BCL2L12: variants seen among roughly 807,000 people sequenced by gnomAD.
The protein encoded by BCL2L12 is BCL2 like 12, also known as bcl-2-like protein 12.
Under a neutral mutation model 25.7 loss-of-function variants are expected in BCL2L12, and 27 were observed. The ratio of observed to expected loss-of-function variants is 1.05; its 90% CI spans 0.78 to 1.45. BCL2L12 has a LOEUF of 1.45. BCL2L12 is among the 40% of genes most tolerant of loss of function. The pLI is 0.00. For synonymous variants in BCL2L12, 132 were observed against 145.6 expected, an observed-to-expected ratio of 0.91 and a Z score of 0.67; for missense variants, 302 against 329.8, an observed-to-expected ratio of 0.92 and a Z score of 0.65.
chr19:49,668,932 G>A lies in BCL2L12; in HGVS notation c.332G>A (p.Ser111Asn). 1 of 1,613,982 alleles carries A rather than the reference G, an allele frequency of 6.2e-7. No individual in the cohort carries two copies. The highest frequency in any genetic ancestry group is 8.5e-7 in the Non-Finnish European group (1 of 1,179,918). ...LVQEQLKSPPSPELQGPPSTE... is the reference protein window; with the variant it reads ...LVQEQLKSPPNPELQGPPSTE... Reference sequence around the variant, plus strand: ...CAAGAGCAGCTGAAATCTCCGCCCAGCCCAGGTGAGGCACAGAGGAGCCCC... The same window carrying A: ...CAAGAGCAGCTGAAATCTCCGCCCAACCCAGGTGAGGCACAGAGGAGCCCC... Residue 111 changes from serine (S) to asparagine (N), a missense_variant, in exon 4 of 7, where the codon AGC (serine) becomes AAC (asparagine). By Grantham distance (46) the Ser-to-Asn change is conservative. Transcript: ENST00000246784.
chr19:49,665,884 G>T (rs2081717422), upstream of BCL2L12: 1 of 1,612,476 alleles, frequency 6.2e-7, no homozygotes, highest in East Asian at 2.2e-5. Context: ...CCGGCCAGAG[G>T]CATGCTGGGA....
rs964313916 is a variant in BCL2L12 at position 49,672,485 on chromosome 19, G to A, written c.703-1213G>A. Among the ~76,000 whole-genome samples the A allele has an allele frequency of 1.3e-5, 2 of 152,220 alleles. No homozygotes were observed. The highest frequency in any genetic ancestry group is 4.8e-5 in the African/African-American group (2 of 41,454). On this transcript the variant is annotated intron_variant, in intron 6 of 6. Transcript: ENST00000246784. This position sits in a 1 kb window ranked among gnomAD's most constrained non-coding sequence, Gnocchi z 4.1. ...GTCTCTGAGCAGCGGAGGGACAGGC[G>A]CTGATTTAGGCGCTAATGGGCGCCC... is the stretch of plus-strand genomic sequence containing the variant.
chr19:49,666,637 C>T (rs2081780600), intron 1 of BCL2L12, 48 bp from the exon 2 acceptor site: 1 of 1,439,782 alleles, frequency 6.9e-7, no homozygotes, highest in Non-Finnish European at 9.4e-7. Context: ...CAAGCCTCCA[C>T]TTCTTGCTAA....
At chr19:49,665,696 T>TCTCAAACTCGAGGCTGCGCACCCC, upstream of BCL2L12, 1 of 1,304,554 alleles carries the variant, frequency 7.7e-7, no homozygotes, top group Non-Finnish European at 1.0e-6. Context: ...TCCGGGTAGC[T>TCTCAAACTCGAGGCTGCGCACCCC]CTCAAACTCG....
chr19:49,671,053 C>G (rs923406576), intron 6 of BCL2L12, among the ~76,000 whole-genome samples: 4 of 151,932 alleles, frequency 2.6e-5, no homozygotes, highest in Non-Finnish European at 2.9e-5. Context: ...TCCCAGCTAC[C>G]GAGGAGACTG....
Position 49,665,972 on chromosome 19 carries a change from G to T in BCL2L12, c.-104G>T, listed in dbSNP as rs780352220. 3.1e-6 allele frequency: 5 copies of T among 1,612,470 alleles called. No homozygotes were observed. The highest frequency in any genetic ancestry group is 4.2e-6 in the Non-Finnish European group (5 of 1,179,194). On this transcript the variant is annotated 5_prime_UTR_variant, in exon 1 of 7. Transcript: ENST00000246784. ...GCCGGTTATCGACCCGGCCCAGTGC[G>T]CAGGCGCGGGAAAGTTGAACTAATA...
Position 49,666,676 on chromosome 19 carries a change from C to G in BCL2L12, c.-8-9C>G. ...CTTGGAGTCCAGTCCCTAACCCTCT[C>G]TCTCACAGGTGCCTCCATGGCAGGC... On this transcript the variant is annotated splice_polypyrimidine_tract_variant and intron_variant, in intron 1 of 6. Transcript: ENST00000246784. 6.5e-7 allele frequency: 1 copy of G among 1,548,268 alleles called. No homozygotes were observed. The highest frequency in any genetic ancestry group is 1.7e-4 in the Middle Eastern group (1 of 5,960).
intron 5 of BCL2L12, among the ~76,000 whole-genome samples, chr19:49,669,754 G>A (rs1009658678): frequency 2.0e-5 from 3 of 152,200 alleles, no homozygotes; most frequent in African/African-American, 7.2e-5. Context: ...ACTGAGCATA[G>A]AAGGGACCTG....
chr19:49,665,528 C>T (rs2081663489), upstream of BCL2L12: 1 of 326,596 alleles, frequency 3.1e-6, no homozygotes, highest in Non-Finnish European at 5.7e-6. Flanking sequence ...CCACTTTCCC[C>T]AGAGTACACA....
At chr19:49,665,584 C>T (rs148729350), upstream of BCL2L12, 621 of 527,802 alleles carry the variant, frequency 1.2e-3, no homozygotes, top group Non-Finnish European at 1.7e-3. Context: ...TTTCCCGCTC[C>T]TCGCTCTCGG....
chr19:49,673,676 CTCTGCCA>C lies in BCL2L12; in HGVS notation c.703-21_703-15del, dbSNP rs2082006552. 6.2e-7 allele frequency: 1 copy of C among 1,604,376 alleles called. No individual in the cohort carries two copies. The highest frequency in any genetic ancestry group is 1.3e-5 in the African/African-American group (1 of 74,686). ...GGGAACACCTGCCCTGCTCACAGGG[CTCTGCCA>C]CTTTTCCCTTCCAGGAGGGCATCCT... is the stretch of plus-strand genomic sequence containing the variant. On this transcript the variant is annotated splice_polypyrimidine_tract_variant and intron_variant, in intron 6 of 6. Coordinates refer to ENST00000246784, the MANE Select transcript of BCL2L12 (RefSeq NM_138639.2).
At chr19:49,666,165 G>C (rs1443189309) in intron 1 of BCL2L12, 98 bp downstream of exon 1, 21 of 1,405,070 alleles carry the variant, frequency 1.5e-5, no homozygotes, top group Admixed American at 2.6e-5. Flanking sequence ...GATATCCAAG[G>C]GTCCAGGGTC....
At chr19:49,665,819 A>G (rs1298148824), upstream of BCL2L12, 6 of 1,585,266 alleles carry the variant, frequency 3.8e-6, no homozygotes, top group South Asian at 1.1e-5. Context: ...CAGACCCAAA[A>G]GCCGATGGGA....
upstream of BCL2L12, chr19:49,665,454 CCTA>C (rs952734024): frequency 2.0e-4 from 40 of 203,754 alleles, no homozygotes; most frequent in African/African-American, 8.3e-4. Flanking sequence ...CTCTTTCCTC[CCTA>C]CTTTTTCTAG....
At chr19:49,670,949 C>A (rs1183046042) in intron 6 of BCL2L12, among the ~76,000 whole-genome samples, 1 of 151,550 alleles carries the variant, frequency 6.6e-6, no homozygotes, top group Non-Finnish European at 1.5e-5. Flanking sequence ...CACCTGAGGT[C>A]AGGAGTTTGA....
Position 49,673,906 on chromosome 19 carries a change from G to A in BCL2L12, c.*158G>A, listed in dbSNP as rs949000704. 14 of 744,522 alleles carry A rather than the reference G, an allele frequency of 1.9e-5. No homozygotes were observed. Among genetic ancestry groups the A allele is most frequent in the African/African-American group, 1.2e-4 (7 of 56,716 alleles). 46.1% of individuals were successfully genotyped at this position (744,522 alleles called of 1,614,324 possible). A position where few individuals can be genotyped will look rare whatever the true frequency, so the allele number is the denominator to read the frequency against. On this transcript the variant is annotated 3_prime_UTR_variant, in exon 7 of 7. Coordinates refer to ENST00000246784, the MANE Select transcript of BCL2L12 (RefSeq NM_138639.2). ...GTTTAAAACTTTTCTTATTAAAAAC[G>A]TTACAAAGTATTCAATTGTCTGTTC...
intron 6 of BCL2L12, among the ~76,000 whole-genome samples, 159 bp from the exon 7 acceptor site, chr19:49,673,539 C>T (rs558917287): frequency 6.6e-6 from 1 of 152,264 alleles, no homozygotes; most frequent in South Asian, 2.1e-4. Context: ...TCCCTGTGCC[C>T]TTCTGTCTGG....
upstream of BCL2L12, chr19:49,665,144 G>GT (rs2081612015): frequency 2.8e-6 from 1 of 354,952 alleles, no homozygotes; most frequent in South Asian, 4.3e-5. Flanking sequence ...ATCATCGAAA[G>GT]TAAGTATCCC....
At chr19:49,665,681 G>T, upstream of BCL2L12, 1 of 1,165,466 alleles carries the variant, frequency 8.6e-7, no homozygotes, top group Non-Finnish European at 1.2e-6. Flanking sequence ...CCCCTGTCTT[G>T]GAGCTCCGGG....
Sources: gnomAD v4.1 joint callset for allele counts (sites outside exome capture counted in the v4.1 genomes callset) on GRCh38, gnomAD v4.1.1 for gene constraint, Gnocchi (gnomAD v3.1) non-coding constraint, MANE v1.5 for transcripts, NCBI Gene and HGNC (gene_info 2026-07-23, HGNC 2026-07-21) for gene names.